Variants in HSD17B12 observed in about 807,000 individuals in gnomAD.
HSD17B12 encodes the protein very-long-chain 3-oxoacyl-CoA reductase.
A neutral mutation model predicts 39.3 loss-of-function variants in HSD17B12; 32 were observed. The observed-to-expected ratio is 0.81, with a 90% confidence interval of 0.61 to 1.09. The LOEUF is 1.09. HSD17B12 is among the 50% of genes least tolerant of loss of function. The pLI, the probability that HSD17B12 is intolerant of heterozygous loss-of-function variation, is 0.00. For missense variants in HSD17B12, 342 were observed against 382.9 expected, an observed-to-expected ratio of 0.89 and a Z score of 0.89; for synonymous variants, 150 against 146.7, an observed-to-expected ratio of 1.02 and a Z score of -0.16.
chr11:43,587,148 T>C, the HSD17B12 span, among the ~76,000 whole-genome samples: 1 of 152,196 alleles, frequency 6.6e-6, no homozygotes, highest in African/African-American at 2.4e-5. Context: ...ATCTATAAAA[T>C]TAAGTGCTTT....
chr11:43,715,584 C>A lies in HSD17B12; in HGVS notation c.160+34597C>A, dbSNP rs544390585. Among the ~76,000 whole-genome samples the A allele has an allele frequency of 5.9e-5, 9 of 152,186 alleles. No homozygotes were observed. The East Asian group carries it at 1.5e-3, about 26-fold the overall frequency. On this transcript the variant is annotated intron_variant, in intron 1 of 10. Coordinates refer to ENST00000278353, the MANE Select transcript of HSD17B12 (RefSeq NM_016142.3). The stretch of plus-strand genomic sequence containing the variant: ...TCATCTGAGATATTGGTCTAAAATT[C>A]TCTTTTTTTGTTGTGTCTCTGCCAG...
At chr11:43,593,067 A>G in the HSD17B12 span, among the ~76,000 whole-genome samples, 1 of 152,188 alleles carries the variant, frequency 6.6e-6, no homozygotes, top group Non-Finnish European at 1.5e-5. Flanking sequence ...TGTATGCTCA[A>G]TATTTGTCTA....
chr11:43,842,806 A>C (rs889696933), intron 9 of HSD17B12, among the ~76,000 whole-genome samples: 1 of 152,246 alleles, frequency 6.6e-6, no homozygotes, highest in Non-Finnish European at 1.5e-5. Flanking sequence ...GTGATTGACT[A>C]TAAGCAGAGT....
the HSD17B12 span, among the ~76,000 whole-genome samples, chr11:43,611,076 C>G: frequency 6.6e-6 from 1 of 152,164 alleles, no homozygotes; most frequent in Non-Finnish European, 1.5e-5. Context: ...TGCAGACTAT[C>G]TATTTGGTAT....
the HSD17B12 span, among the ~76,000 whole-genome samples, chr11:43,608,077 G>GAATATATTCTTT: frequency 4.6e-5 from 7 of 152,170 alleles, no homozygotes; most frequent in East Asian, 1.3e-3. Context: ...TTTTTTAAAA[G>GAATATATTCTTT]TAAAAATAAG....
the HSD17B12 span, among the ~76,000 whole-genome samples, chr11:43,671,565 A>G: frequency 2.0e-5 from 3 of 152,208 alleles, no homozygotes; most frequent in East Asian, 5.8e-4. Flanking sequence ...AGATTGATGG[A>G]ACAATTATTA....
chr11:43,658,673 T>C, the HSD17B12 span, among the ~76,000 whole-genome samples: 3 of 152,224 alleles, frequency 2.0e-5, no homozygotes, highest in African/African-American at 7.2e-5. Flanking sequence ...GACCCTGTTT[T>C]CCTGGGTGTC....
intron 1 of HSD17B12, among the ~76,000 whole-genome samples, chr11:43,706,111 C>G (rs966675265): frequency 2.6e-5 from 4 of 151,926 alleles, no homozygotes; most frequent in Admixed American, 6.6e-5. Flanking sequence ...GGGGGTGTGT[C>G]CTTACTGATG....
At chr11:43,642,742 T>A in the HSD17B12 span, among the ~76,000 whole-genome samples, 1 of 151,900 alleles carries the variant, frequency 6.6e-6, no homozygotes, top group Non-Finnish European at 1.5e-5. Context: ...TAAAGTAGTA[T>A]AATAAACTAA....
intron 1 of HSD17B12, among the ~76,000 whole-genome samples, chr11:43,719,802 C>G (rs1293968936): frequency 6.6e-6 from 1 of 152,086 alleles, no homozygotes; most frequent in Non-Finnish European, 1.5e-5. Context: ...TTTCAACCTG[C>G]TTCTTACCTA....
chr11:43,822,790 A>G (rs896332626), intron 6 of HSD17B12, among the ~76,000 whole-genome samples: 4 of 152,326 alleles, frequency 2.6e-5, no homozygotes, highest in South Asian at 2.1e-4. Context: ...CACAATAAAC[A>G]TACGTGTGCA....
In HSD17B12 at chr11:43,757,731, A is replaced by C. The variant is rs142482990; in HGVS notation, c.283+3610A>C. On this transcript the variant is annotated intron_variant, in intron 3 of 10. Coordinates refer to ENST00000278353, the MANE Select transcript of HSD17B12 (RefSeq NM_016142.3). ...AAAGCACACACAAAAAAAACAGACA[A>C]ATAAATAATTGCAGCCTATATTGAA... is the stretch of plus-strand genomic sequence containing the variant. 1.7e-3 allele frequency among the ~76,000 whole-genome samples: 260 copies of C among 151,988 alleles called. 1 individual carries two copies. The highest frequency in any genetic ancestry group is 6.0e-3 in the African/African-American group (247 of 41,472).
chr11:43,710,900 C>T (rs1950058925), intron 1 of HSD17B12, among the ~76,000 whole-genome samples: 1 of 152,150 alleles, frequency 6.6e-6, no homozygotes, highest in South Asian at 2.1e-4. Flanking sequence ...AAGTGATTCT[C>T]CTGCCTCAGC....
intron 1 of HSD17B12, among the ~76,000 whole-genome samples, chr11:43,738,926 T>A (rs1475603105): frequency 6.6e-6 from 1 of 152,192 alleles, no homozygotes; most frequent in Non-Finnish European, 1.5e-5. Context: ...AGAGGTTTTA[T>A]AAAAAGAAGA....
intron 1 of HSD17B12, among the ~76,000 whole-genome samples, chr11:43,745,412 T>C (rs1220040930): frequency 6.6e-6 from 1 of 152,192 alleles, no homozygotes; most frequent in Admixed American, 6.5e-5. Flanking sequence ...ATCTGAGAAA[T>C]CTAGTGATAC....
the HSD17B12 span, among the ~76,000 whole-genome samples, chr11:43,635,201 GA>G: frequency 6.6e-6 from 1 of 151,976 alleles, no homozygotes; most frequent in Admixed American, 6.5e-5. Context: ...TAGTAATAGT[GA>G]AAAAAACTTT....
intron 1 of HSD17B12, among the ~76,000 whole-genome samples, chr11:43,737,178 T>C (rs1950324743): frequency 6.6e-6 from 1 of 152,204 alleles, no homozygotes; most frequent in Non-Finnish European, 1.5e-5. Context: ...ACAGTCAGAA[T>C]TTTGTGGGTA....
At chr11:43,583,814 A>G in the HSD17B12 span, among the ~76,000 whole-genome samples, 1 of 152,048 alleles carries the variant, frequency 6.6e-6, no homozygotes, top group Non-Finnish European at 1.5e-5. Flanking sequence ...TGGAGGCCCT[A>G]TAGGAGAGGG....
chr11:43,717,546 C>A (rs975038235), intron 1 of HSD17B12, among the ~76,000 whole-genome samples: 8 of 152,056 alleles, frequency 5.3e-5, no homozygotes, highest in African/African-American at 1.7e-4. Flanking sequence ...TTGGAGACAA[C>A]TTTTTTCTAT....
Sources: allele counts gnomAD v4.1 joint callset (sites outside exome capture counted in the v4.1 genomes callset), GRCh38; gene constraint gnomAD v4.1.1; transcripts MANE v1.5; gene names NCBI Gene and HGNC (gene_info 2026-07-23, HGNC 2026-07-21).